ATP8A2: variants seen among roughly 807,000 people sequenced by gnomAD.
ATP8A2 encodes phospholipid-transporting ATPase IB.
ATP8A2 carries 100 observed loss-of-function variants against 165.6 expected under a neutral mutation model. The observed-to-expected ratio is 0.60, with a 90% confidence interval of 0.51 to 0.71. ATP8A2 has a LOEUF of 0.71. ATP8A2 is among the 30% of genes least tolerant of loss of function. The probability of loss-of-function intolerance (pLI) is 0.00; values close to 1 mark genes in which losing one functional copy is unlikely to be tolerated. For synonymous variants in ATP8A2, 543 were observed against 548.8 expected, an observed-to-expected ratio of 0.99 and a Z score of 0.15; for missense variants, 1,227 against 1,479.5, an observed-to-expected ratio of 0.83 and a Z score of 2.80.
intron 25 of ATP8A2, among the ~76,000 whole-genome samples, chr13:25,720,624 C>T (rs1349257371): frequency 6.6e-6 from 1 of 152,188 alleles, no homozygotes; most frequent in African/African-American, 2.4e-5. Context: ...CACAGGAAGG[C>T]AACTCTGGGA....
chr13:25,923,551 A>G (rs530181711), intron 33 of ATP8A2, among the ~76,000 whole-genome samples: 68 of 152,314 alleles, frequency 4.5e-4, no homozygotes, highest in Middle Eastern at 3.4e-3. Context: ...GACTGAAGTT[A>G]ACAGTGAACA....
rs562325144 is a variant in ATP8A2 at position 25,767,713 on chromosome 13, A to T, written c.2385-1333A>T. On this transcript the variant is annotated intron_variant, in intron 25 of 36. Transcript: ENST00000381655. ...AACCCTTGTGAAAATGCTAAAAGGG[A>T]TATCAGATTGTGCAACCCAGCTCCT... Among the ~76,000 whole-genome samples the T allele has an allele frequency of 5.3e-5, 8 of 152,322 alleles. No homozygotes were observed. In the South Asian group the frequency reaches 1.5e-3, roughly 28 times the overall value.
chr13:25,798,220 T>G (rs1037021528), intron 27 of ATP8A2, among the ~76,000 whole-genome samples: 9 of 152,204 alleles, frequency 5.9e-5, no homozygotes, highest in Non-Finnish European at 1.3e-4. Context: ...TTTGTTTCAT[T>G]TGCACTATAA....
intron 25 of ATP8A2, among the ~76,000 whole-genome samples, chr13:25,713,564 A>T (rs2043195691): frequency 6.6e-6 from 1 of 152,096 alleles, no homozygotes; most frequent in Admixed American, 6.5e-5. Flanking sequence ...TCTTTCTTGA[A>T]TCTAGTAGTT....
chr13:25,631,865 G>A (rs1213957783), intron 24 of ATP8A2, among the ~76,000 whole-genome samples: 1 of 150,424 alleles, frequency 6.6e-6, no homozygotes, highest in African/African-American at 2.4e-5. Flanking sequence ...GAAATGTGGG[G>A]AGTTTTCCCA....
chr13:25,935,839 A>G (rs533136433), intron 33 of ATP8A2, among the ~76,000 whole-genome samples: 34 of 42,132 alleles, frequency 8.1e-4, no homozygotes, highest in African/African-American at 1.7e-3. Flanking sequence ...TCACTCCCCA[A>G]ATAAATCAAG....
chr13:25,415,530 A>T (rs1056837873), intron 1 of ATP8A2, among the ~76,000 whole-genome samples: 1 of 152,206 alleles, frequency 6.6e-6, no homozygotes. Context: ...CTTGAATTGC[A>T]AAGTGGCTTT....
chr13:25,512,667 G>A (rs1419340263), intron 2 of ATP8A2, among the ~76,000 whole-genome samples: 10 of 145,620 alleles, frequency 6.9e-5, no homozygotes, highest in East Asian at 2.1e-4. Flanking sequence ...CGGACGGGGT[G>A]GCTGGCCGGG....
intron 27 of ATP8A2, among the ~76,000 whole-genome samples, chr13:25,816,052 C>T (rs1388960659): frequency 6.6e-6 from 1 of 152,056 alleles, no homozygotes; most frequent in African/African-American, 2.4e-5. Context: ...TACAGAATTT[C>T]AGTTTGGAGT....
chr13:25,390,895 A>G (rs920707268), intron 1 of ATP8A2, among the ~76,000 whole-genome samples: 3 of 151,658 alleles, frequency 2.0e-5, no homozygotes. Context: ...ACTGCACTCC[A>G]GCCTGGGCAA....
chr13:25,901,773 G>C (rs1953754217), intron 33 of ATP8A2, among the ~76,000 whole-genome samples: 3 of 152,190 alleles, frequency 2.0e-5, no homozygotes, highest in African/African-American at 7.2e-5. Context: ...GTGTAGGCTT[G>C]TTCTAGCCTG....
chr13:25,549,951 C>G (rs1266048956), intron 10 of ATP8A2, among the ~76,000 whole-genome samples: 1 of 152,118 alleles, frequency 6.6e-6, no homozygotes, highest in Non-Finnish European at 1.5e-5. Flanking sequence ...TAATCTCTCC[C>G]TGTCTCACAG....
chr13:25,540,737 A>G (rs2038448114), intron 8 of ATP8A2, among the ~76,000 whole-genome samples: 2 of 152,186 alleles, frequency 1.3e-5, no homozygotes, highest in South Asian at 2.1e-4. Flanking sequence ...ACCCCAGTTT[A>G]CATCATTGTT....
chr13:25,989,288 T>G (rs1337853886), intron 35 of ATP8A2, among the ~76,000 whole-genome samples: 1 of 151,986 alleles, frequency 6.6e-6, no homozygotes, highest in Non-Finnish European at 1.5e-5. Flanking sequence ...GAAGGTTATT[T>G]TTATTGCAAT....
chr13:25,745,328 A>T (rs929209426), intron 25 of ATP8A2, among the ~76,000 whole-genome samples: 2 of 152,182 alleles, frequency 1.3e-5, no homozygotes, highest in African/African-American at 4.8e-5. Context: ...TGTTTTCCTG[A>T]AGCTGACATG....
intron 1 of ATP8A2, among the ~76,000 whole-genome samples, chr13:25,375,996 C>T (rs901064072): frequency 1.3e-5 from 2 of 152,128 alleles, no homozygotes; most frequent in African/African-American, 4.8e-5. Flanking sequence ...GCCAGAACAA[C>T]CTGCCCCAAG....
At chr13:25,460,510 CT>C (rs757238289) in intron 1 of ATP8A2, among the ~76,000 whole-genome samples, 1 of 152,120 alleles carries the variant, frequency 6.6e-6, no homozygotes, top group Non-Finnish European at 1.5e-5. Flanking sequence ...TGAAACATAG[CT>C]TTTCTTTTTT....
chr13:25,605,279 A>G (rs1053636485), intron 24 of ATP8A2, among the ~76,000 whole-genome samples: 2 of 152,200 alleles, frequency 1.3e-5, no homozygotes, highest in African/African-American at 4.8e-5. Context: ...TGATGTGTCT[A>G]AGACAGAACC....
chr13:25,657,888 C>G (rs1176579439), intron 24 of ATP8A2, among the ~76,000 whole-genome samples: 1 of 152,176 alleles, frequency 6.6e-6, no homozygotes, highest in African/African-American at 2.4e-5. Flanking sequence ...GATTGTCATT[C>G]TGCAAAATAT....
Sources: gnomAD v4.1 joint callset for allele counts (sites outside exome capture counted in the v4.1 genomes callset) on GRCh38, gnomAD v4.1.1 for gene constraint, MANE v1.5 for transcripts, NCBI Gene and HGNC (gene_info 2026-07-23, HGNC 2026-07-21) for gene names.